The following TNIK variants were observed in gnomAD, a reference collection of about 807,000 sequenced individuals.
TNIK encodes the protein TRAF2 and NCK-interacting protein kinase.
In TNIK, 49 loss-of-function variants were observed where a neutral mutation model predicts 191.3. The ratio of observed to expected loss-of-function variants is 0.26; its 90% confidence interval spans 0.20 to 0.32. The LOEUF (loss-of-function observed/expected upper bound fraction) is 0.32. Ranked by LOEUF, TNIK falls within the 10% of genes least tolerant of loss-of-function variation. The pLI, the probability that TNIK is intolerant of heterozygous loss-of-function variation, is 1.00. For missense variants in TNIK, 1,155 were observed against 1,702.3 expected, an observed-to-expected ratio of 0.68 and a Z score of 5.66; for synonymous variants, 594 against 600.9, an observed-to-expected ratio of 0.99 and a Z score of 0.17.
Position 171,188,762 on chromosome 3 carries a change from G to A in TNIK, c.579C>T (p.Tyr193=). Residue 193 remains tyrosine, a synonymous_variant, in exon 7 of 33, where the codon TAC becomes TAT. Transcript: ENST00000436636. ...GRRNTFIGTP[Y]WMAPEVIACD... Reference sequence around the variant, plus strand: ...AGGCAATAACTTCTGGTGCCATCCAGTAGGGAGTTCCAATGAAAGTATTCC... The same window carrying A: ...AGGCAATAACTTCTGGTGCCATCCAATAGGGAGTTCCAATGAAAGTATTCC... The A allele has an allele frequency of 6.2e-7, 1 of 1,613,732 alleles. No homozygotes were observed. The highest frequency in any genetic ancestry group is 8.5e-7 in the Non-Finnish European group (1 of 1,179,682).
intron 2 of TNIK, among the ~76,000 whole-genome samples, chr3:171,327,930 A>AAAAAAAAAAAAAAAAAAAAAAC: frequency 7.6e-6 from 1 of 132,208 alleles, no homozygotes. Context: ...AAAAAAAAAA[A>AAAAAAAAAAAAAAAAAAAAAAC]ATCACTTGTT....
At chr3:171,411,667 C>T (rs942897954) in intron 1 of TNIK, among the ~76,000 whole-genome samples, 1 of 152,116 alleles carries the variant, frequency 6.6e-6, no homozygotes, top group Non-Finnish European at 1.5e-5. Flanking sequence ...AATATTCATT[C>T]AGATGAGCAG....
chr3:171,201,097 G>A (rs1031548533), intron 4 of TNIK, among the ~76,000 whole-genome samples: 7 of 152,046 alleles, frequency 4.6e-5, no homozygotes, highest in African/African-American at 1.7e-4. Flanking sequence ...AGTTTAAAAG[G>A]CACCCTAAGA....
At chr3:171,277,502 A>G (rs75172328) in intron 2 of TNIK, among the ~76,000 whole-genome samples, 6,835 of 151,578 alleles carry the variant, frequency 0.045, 231 homozygotes, top group African/African-American at 0.1. Flanking sequence ...ATTTTGATTA[A>G]AAAAAAAACA....
At chr3:171,380,462 C>A (rs1717881267) in intron 1 of TNIK, among the ~76,000 whole-genome samples, 1 of 152,292 alleles carries the variant, frequency 6.6e-6, no homozygotes, top group South Asian at 2.1e-4. Flanking sequence ...CGGGACCATT[C>A]CCCCAGAGAT....
intron 1 of TNIK, among the ~76,000 whole-genome samples, chr3:171,370,715 G>A (rs1359547102): frequency 1.3e-5 from 2 of 152,174 alleles, no homozygotes; most frequent in Non-Finnish European, 2.9e-5. Context: ...GTGGGGTGGA[G>A]TTTACTTAGC....
At chr3:171,120,712 C>CT (rs2108549355) in intron 18 of TNIK, among the ~76,000 whole-genome samples, 1 of 152,276 alleles carries the variant, frequency 6.6e-6, no homozygotes, top group South Asian at 2.1e-4. Context: ...TGATGGTTCT[C>CT]TAAGTGGTGA....
rs142567455 is a variant in TNIK at position 171,169,218 on chromosome 3, G to A, written c.774-1948C>T. On this transcript the variant is annotated intron_variant, in intron 9 of 32. Transcript: ENST00000436636. ...GAAATATTTATAAGGAATATAAATG[G>A]CAGTTCTCTTTTTCTTGCTGGCAAC... Among the ~76,000 whole-genome samples the A allele has an allele frequency of 3.8e-4, 58 of 152,036 alleles. No individual in the cohort carries two copies. The East Asian group carries it at 9.7e-3, about 25-fold the overall frequency.
rs1345502420 is a variant in TNIK, at chr3:171,093,842, T to G, written c.2718A>C (p.Arg906Ser). 1 of 1,613,568 alleles carries G rather than the reference T, an allele frequency of 6.2e-7. No homozygotes were observed. The highest frequency in any genetic ancestry group is 1.1e-5 in the South Asian group (1 of 91,050). Reference protein sequence around the residue: ...SISREGTLMIRETSGEKKRSG... With the variant: ...SISREGTLMISETSGEKKRSG... ...CACAGTTTTTATACCAACTTACCTC[T>G]CTAATCATCAAGGTTCCTTCTCTTG... Residue 906 changes from arginine (R) to serine (S), a missense_variant, in exon 23 of 33, where the codon AGA (arginine) becomes AGC (serine). By Grantham distance (110) the Arg-to-Ser change is moderately radical (BLOSUM62 -1). Coordinates refer to ENST00000436636, the MANE Select transcript of TNIK (RefSeq NM_015028.4).
At chr3:171,129,458 T>C (rs1728948077) in intron 15 of TNIK, among the ~76,000 whole-genome samples, 1 of 152,184 alleles carries the variant, frequency 6.6e-6, no homozygotes, top group Admixed American at 6.5e-5. Flanking sequence ...TTTCTTTTTC[T>C]CTCTTTAGGG....
chr3:171,198,876 C>T (rs1488883126), intron 4 of TNIK, among the ~76,000 whole-genome samples: 2 of 152,148 alleles, frequency 1.3e-5, no homozygotes, highest in Non-Finnish European at 1.5e-5. Flanking sequence ...TTCTCTAAAT[C>T]CCATTTTGAA....
intron 1 of TNIK, among the ~76,000 whole-genome samples, chr3:171,414,171 T>G (rs564876337): frequency 3.1e-4 from 47 of 152,332 alleles, no homozygotes; most frequent in African/African-American, 1.1e-3. Flanking sequence ...TGTTTCTACT[T>G]TATTAAGCCA....
chr3:171,368,231 T>C (rs1716012056), intron 2 of TNIK, among the ~76,000 whole-genome samples: 1 of 152,298 alleles, frequency 6.6e-6, no homozygotes. Context: ...GGAAACATAA[T>C]GAAACGGAAA....
Position 171,085,219 on chromosome 3 carries a change from C to T in TNIK, c.2897G>A (p.Gly966Glu), listed in dbSNP as rs1399575914. 2 of 1,608,456 alleles carry T rather than the reference C, an allele frequency of 1.2e-6. No individual in the cohort carries two copies. The part of the protein sequence containing the change: ...EMDSGTEYGM[G>E]SSTKASFTPF... Reference sequence around the variant, plus strand: ...GGTGAAGGAGGCTTTGGTGCTGCTCCCCATGCCATACTAATCAATAAGCAA... The same window carrying T: ...GGTGAAGGAGGCTTTGGTGCTGCTCTCCATGCCATACTAATCAATAAGCAA... Residue 966 changes from glycine (G) to glutamate (E), a missense_variant, in exon 25 of 33, where the codon GGG (glycine) becomes GAG (glutamate). Transcript: ENST00000436636.
intron 2 of TNIK, among the ~76,000 whole-genome samples, chr3:171,362,452 C>G (rs947310450): frequency 3.3e-5 from 5 of 152,090 alleles, no homozygotes; most frequent in Admixed American, 2.0e-4. Context: ...TAATGCCATT[C>G]TAAGCATACA....
chr3:171,386,658 A>T (rs959085200), intron 1 of TNIK, among the ~76,000 whole-genome samples: 4 of 152,236 alleles, frequency 2.6e-5, no homozygotes, highest in African/African-American at 9.6e-5. Context: ...CTGAAATTAG[A>T]GCTGAACAGA....
At position 171,251,951 on chromosome 3, in the gene TNIK, A is replaced by G. The variant is rs565695685; in HGVS notation, c.124-23730T>C. Among the ~76,000 whole-genome samples, 273 of 152,358 alleles carry G rather than the reference A, an allele frequency of 1.8e-3. 2 individuals carry two copies. Among genetic ancestry groups the G allele is most frequent in the Non-Finnish European group, 2.1e-3 (145 of 68,040 alleles). On this transcript the variant is annotated intron_variant, in intron 2 of 32. Coordinates refer to ENST00000436636, the MANE Select transcript of TNIK (RefSeq NM_015028.4). ...AGAAATTTTGTGGTTTGTGTATTTC[A>G]TCACCAAAAGAAAGTAGCTCCCAAA...
chr3:171,368,219 T>C (rs191670024), intron 2 of TNIK, among the ~76,000 whole-genome samples: 24 of 152,216 alleles, frequency 1.6e-4, no homozygotes, highest in African/African-American at 5.8e-4. Context: ...ATTCTATGGG[T>C]GGGAAACATA....
At chr3:171,459,859 C>T in intron 1 of TNIK, 148 bp downstream of exon 1, 1 of 1,016,760 alleles carries the variant, frequency 9.8e-7, no homozygotes, top group Non-Finnish European at 1.5e-6. Flanking sequence ...CCTCAGCAAC[C>T]CCGAATCAAA....
Sources: allele counts gnomAD v4.1 joint callset (sites outside exome capture counted in the v4.1 genomes callset), GRCh38; gene constraint gnomAD v4.1.1; transcripts MANE v1.5; gene names NCBI Gene and HGNC (gene_info 2026-07-23, HGNC 2026-07-21).